Variants in FAM53B observed in about 807,000 individuals in gnomAD.
FAM53B encodes protein FAM53B.
A neutral mutation model predicts 32.7 loss-of-function variants in FAM53B; 12 were observed. That is an observed-to-expected ratio of 0.37 (90% CI 0.24 to 0.59). The LOEUF is 0.59. Among genes scored for constraint, FAM53B ranks in the 20% least tolerant of loss-of-function variants. The pLI is 0.72. For synonymous variants in FAM53B, 234 were observed against 228.7 expected (o/e 1.02, Z -0.21); for missense variants, 477 against 577.7 (o/e 0.83, Z 1.79).
At chr10:124,663,483 AG>A (rs1374223326) in intron 4 of FAM53B, among the ~76,000 whole-genome samples, 2 of 152,212 alleles carry the variant, frequency 1.3e-5, no homozygotes, top group Non-Finnish European at 2.9e-5. Context: ...GAGCCAGAGG[AG>A]GGCTGCCCAA....
chr10:124,623,877 T>C, intron 4 of FAM53B: 1 of 442,496 alleles, frequency 2.3e-6, no homozygotes, highest in Non-Finnish European at 4.0e-6. Context: ...GACCCAGTTC[T>C]GGGGGGCTGC....
At chr10:124,700,526 G>C (rs562518775) in intron 2 of FAM53B, among the ~76,000 whole-genome samples, 1 of 152,112 alleles carries the variant, frequency 6.6e-6, no homozygotes, top group Non-Finnish European at 1.5e-5. Flanking sequence ...CTCTGTTCCC[G>C]AGCCCACGCC....
In FAM53B at chr10:124,625,027, C is replaced by T. The variant is rs7893929; in HGVS notation, c.907-1423G>A. On this transcript the variant is annotated intron_variant, in intron 4 of 4. Transcript: ENST00000337318. ...CAAAGCAGGGCCTTGGAGCACCCGCCGCCTCCCTCGCCGCACGCCTGCTGA... is the reference window on the plus strand; with the variant it reads ...CAAAGCAGGGCCTTGGAGCACCCGCTGCCTCCCTCGCCGCACGCCTGCTGA... Among the ~76,000 whole-genome samples, 758 of 152,320 alleles carry T rather than the reference C, an allele frequency of 5.0e-3. 2 individuals carry two copies. Among genetic ancestry groups the T allele is most frequent in the Non-Finnish European group, 6.9e-3 (466 of 68,028 alleles).
At chr10:124,660,283 T>A (rs539238222) in intron 4 of FAM53B, among the ~76,000 whole-genome samples, 1 of 152,362 alleles carries the variant, frequency 6.6e-6, no homozygotes, top group Admixed American at 6.5e-5. Flanking sequence ...ATCCTCGCTC[T>A]GGCCCACACT....
At chr10:124,707,023 G>A in intron 1 of FAM53B, 136 bp from the exon 2 acceptor site, 5 of 725,604 alleles carry the variant, frequency 6.9e-6, no homozygotes, top group Non-Finnish European at 9.6e-6. Context: ...CTCTGGGAGA[G>A]TCACCAAGGC....
intron 4 of FAM53B, among the ~76,000 whole-genome samples, chr10:124,653,414 T>A (rs1252622625): frequency 1.3e-5 from 2 of 152,138 alleles, no homozygotes; most frequent in Non-Finnish European, 2.9e-5. Context: ...AACAGGGGCA[T>A]CTCACAGAGC....
intron 2 of FAM53B, among the ~76,000 whole-genome samples, chr10:124,698,753 C>T (rs1438424487): frequency 6.6e-6 from 1 of 152,056 alleles, no homozygotes; most frequent in Non-Finnish European, 1.5e-5. Context: ...ACAGCCTGTA[C>T]CCTCGGCCCC....
At chr10:124,669,340 C>G (rs1456845245) in intron 4 of FAM53B, among the ~76,000 whole-genome samples, 1 of 152,136 alleles carries the variant, frequency 6.6e-6, no homozygotes, top group African/African-American at 2.4e-5. Flanking sequence ...CAGTGCCAGG[C>G]AGAACTAAAG....
chr10:124,728,116 C>T (rs1047439597), intron 1 of FAM53B, among the ~76,000 whole-genome samples: 3 of 152,152 alleles, frequency 2.0e-5, no homozygotes, highest in African/African-American at 7.2e-5. Context: ...CTTGGCTTCG[C>T]GATCCAGTCA....
At chr10:124,628,053 C>G (rs916924241) in intron 4 of FAM53B, among the ~76,000 whole-genome samples, 1 of 152,244 alleles carries the variant, frequency 6.6e-6, no homozygotes, top group African/African-American at 2.4e-5. Flanking sequence ...CTCAGCCCAA[C>G]AAGCTCATTC....
At chr10:124,693,883 T>G (rs1236412453) in intron 3 of FAM53B, among the ~76,000 whole-genome samples, 2 of 152,208 alleles carry the variant, frequency 1.3e-5, no homozygotes, top group African/African-American at 4.8e-5. Flanking sequence ...TGATTCACTC[T>G]ATCCCTCACC....
chr10:124,694,816 C>T (rs1949858659), intron 3 of FAM53B, among the ~76,000 whole-genome samples: 2 of 152,226 alleles, frequency 1.3e-5, no homozygotes, highest in African/African-American at 4.8e-5. Context: ...GCCAGCTGAT[C>T]TCCCTGTCTC....
chr10:124,680,005 C>T (rs747414048), intron 4 of FAM53B, among the ~76,000 whole-genome samples: 9 of 152,190 alleles, frequency 5.9e-5, no homozygotes, highest in Non-Finnish European at 1.3e-4. Context: ...ACCCAGAACT[C>T]GGGGCTCTTG....
chr10:124,626,892 C>G (rs368029692), intron 4 of FAM53B, among the ~76,000 whole-genome samples: 1 of 152,174 alleles, frequency 6.6e-6, no homozygotes, highest in Non-Finnish European at 1.5e-5. Flanking sequence ...GCCTGCCTGC[C>G]GAGTCAGGGT....
intron 2 of FAM53B, among the ~76,000 whole-genome samples, chr10:124,700,498 C>T (rs1251325969): frequency 6.6e-6 from 1 of 152,216 alleles, no homozygotes; most frequent in Non-Finnish European, 1.5e-5. Flanking sequence ...CCCCTTTGTG[C>T]TTCTCCCACC....
intron 4 of FAM53B, among the ~76,000 whole-genome samples, chr10:124,658,985 T>C (rs1949612843): frequency 6.6e-6 from 1 of 152,188 alleles, no homozygotes; most frequent in African/African-American, 2.4e-5. Flanking sequence ...AGTTATTTAA[T>C]TAGGTCTGTG....
intron 4 of FAM53B, among the ~76,000 whole-genome samples, chr10:124,644,182 C>A (rs951018181): frequency 6.6e-6 from 1 of 152,166 alleles, no homozygotes; most frequent in Admixed American, 6.5e-5. Flanking sequence ...ATTTGTCTAC[C>A]GCCTGGTCAC....
chr10:124,721,711 C>T (rs1271312450), intron 1 of FAM53B, among the ~76,000 whole-genome samples: 1 of 152,212 alleles, frequency 6.6e-6, no homozygotes, highest in African/African-American at 2.4e-5. Context: ...GAGAGATGAG[C>T]GTAAAACATA....
intron 3 of FAM53B, among the ~76,000 whole-genome samples, chr10:124,694,894 G>A (rs997972164): frequency 2.6e-5 from 4 of 152,196 alleles, no homozygotes; most frequent in African/African-American, 9.7e-5. Context: ...TGGTTGAGAA[G>A]AAAACAGTCT....
Sources: allele counts gnomAD v4.1 joint callset (sites outside exome capture counted in the v4.1 genomes callset), GRCh38; gene constraint gnomAD v4.1.1; transcripts MANE v1.5; gene names NCBI Gene and HGNC (gene_info 2026-07-23, HGNC 2026-07-21).